SPINK2: variants seen among roughly 807,000 people sequenced by gnomAD.
The protein encoded by SPINK2 is serine protease inhibitor Kazal-type 2.
A neutral mutation model predicts 13.5 loss-of-function variants in SPINK2; 8 were observed. The observed-to-expected ratio is 0.59, with a 90% CI of 0.35 to 1.07. The LOEUF is 1.07. Ranked by LOEUF, SPINK2 falls within the 50% of genes least tolerant of loss-of-function variation. SPINK2 has a pLI of 0.02. For missense variants in SPINK2, 148 were observed against 180.3 expected (o/e 0.82, Z 1.03); for synonymous variants, 76 against 74.7 (o/e 1.02, Z -0.09).
chr4:56,816,207 G>C (rs1019305829), intron 2 of SPINK2, among the ~76,000 whole-genome samples: 2 of 152,000 alleles, frequency 1.3e-5, no homozygotes, highest in Admixed American at 6.6e-5. Flanking sequence ...TGAAAAATCT[G>C]AAAATAAAAC....
Position 56,821,540 on chromosome 4 carries a change from G to A in SPINK2, c.123C>T (p.Gly41=). 1 of 1,546,140 alleles carries A rather than the reference G, an allele frequency of 6.5e-7. No homozygotes were observed. The highest frequency in any genetic ancestry group is 1.4e-5 in the African/African-American group (1 of 72,988). ...PEKSGFGSQT[G]GGPCPAPGGL... is the part of the protein sequence containing the mutation. ...CGCCCGGAGCAGGGCAGGGTCCGCC[G>A]CCGGTCTGACTCCCAAACCCGCTTT... The change falls in exon 1 of 4, where the codon GGC becomes GGT. Residue 41 remains glycine (G), a synonymous_variant. Coordinates refer to ENST00000506738, the MANE Select transcript of SPINK2 (RefSeq NM_001271718.2).
chr4:56,821,804 A>T, upstream of SPINK2: 3 of 892,212 alleles, frequency 3.4e-6, no homozygotes, highest in South Asian at 3.9e-5. Context: ...GTGGCGAGGG[A>T]AGAGGGGCGG....
intron 3 of SPINK2, chr4:56,810,654 C>T (rs1716900928): frequency 6.4e-6 from 1 of 155,410 alleles, no homozygotes; most frequent in African/African-American, 2.4e-5. Flanking sequence ...TGAGACCAGC[C>T]TGACCAATAT....
intron 2 of SPINK2, among the ~76,000 whole-genome samples, chr4:56,817,095 A>C (rs1431317910): frequency 6.6e-6 from 1 of 151,386 alleles, no homozygotes; most frequent in Non-Finnish European, 1.5e-5. Context: ...CCAGCTACTC[A>C]GGAGGCTTAG....
chr4:56,816,001 G>A (rs139095566), intron 2 of SPINK2, among the ~76,000 whole-genome samples: 2 of 152,152 alleles, frequency 1.3e-5, no homozygotes, highest in South Asian at 2.1e-4. Flanking sequence ...TTCTCAGGAG[G>A]ATGAGGCAGA....
chr4:56,814,955 C>T (rs1331111422), intron 2 of SPINK2, among the ~76,000 whole-genome samples: 5 of 118,352 alleles, frequency 4.2e-5, no homozygotes, highest in African/African-American at 6.9e-5. Context: ...AGCAAGACTC[C>T]GTCTCAAAAA....
chr4:56,814,176 C>A (rs1418023090), intron 2 of SPINK2, among the ~76,000 whole-genome samples: 1 of 151,954 alleles, frequency 6.6e-6, no homozygotes, highest in African/African-American at 2.4e-5. Flanking sequence ...CCAGCCTCAG[C>A]CTCTCAAAGT....
chr4:56,812,046 C>G (rs1444259754), intron 2 of SPINK2, among the ~76,000 whole-genome samples: 4 of 150,154 alleles, frequency 2.7e-5, no homozygotes, highest in African/African-American at 9.8e-5. Context: ...TACAGGCGCA[C>G]GCCTCCATGC....
chr4:56,818,247 A>C lies in SPINK2; in HGVS notation c.249+2289T>G, dbSNP rs368374458. 5.9e-5 allele frequency: 9 copies of C among 152,340 alleles called. 1 individual carries two copies. Among genetic ancestry groups the C allele is most frequent in the African/African-American group, 2.2e-4 (9 of 41,584 alleles). 9.4% of individuals were successfully genotyped at this position (152,340 alleles called of 1,614,324 possible). On this transcript the variant is annotated intron_variant, in intron 2 of 3. Transcript: ENST00000506738. ...GACTGGTCAAGCGAAGCAGTGGAAT[A>C]GAAAAGGAACAGAGAAATCTGTGGT...
chr4:56,810,535 T>C (rs1716893713), intron 3 of SPINK2: 1 of 226,186 alleles, frequency 4.4e-6, no homozygotes, highest in Non-Finnish European at 8.6e-6. Flanking sequence ...AATCCCCACC[T>C]CTACTAAAAA....
At chr4:56,814,107 A>T (rs563437064) in intron 2 of SPINK2, among the ~76,000 whole-genome samples, 3 of 151,576 alleles carry the variant, frequency 2.0e-5, no homozygotes, top group Non-Finnish European at 4.4e-5. Flanking sequence ...TATTTTTAGT[A>T]GAGACCGGCT....
Position 56,810,145 on chromosome 4 carries a change from G to A in SPINK2, c.399C>T (p.Pro133=). Residue 133 remains proline, a synonymous_variant, in exon 4 of 4, where the codon CCC becomes CCT. Transcript: ENST00000506738. ...GHNIKIIRNG[P]C ...TTTTCTGTAAACTGCTCCATCAGCA[G>A]GGTCCATTTCGAATGATTTTAATAT... 1.9e-6 allele frequency: 3 copies of A among 1,609,084 alleles called. No individual in the cohort carries two copies. The highest frequency in any genetic ancestry group is 2.5e-6 in the Non-Finnish European group (3 of 1,177,502).
intron 2 of SPINK2, 79 bp downstream of exon 2, chr4:56,820,457 C>A: frequency 8.5e-7 from 1 of 1,174,344 alleles, no homozygotes; most frequent in Non-Finnish European, 1.3e-6. Context: ...GCAGGTCAGA[C>A]CTGAAAGCCA....
chr4:56,812,756 A>G (rs1717102796), intron 2 of SPINK2, among the ~76,000 whole-genome samples: 1 of 152,110 alleles, frequency 6.6e-6, no homozygotes, highest in Non-Finnish European at 1.5e-5. Flanking sequence ...CCAAGACAAA[A>G]TCAGGAATCT....
intron 1 of SPINK2, 115 bp downstream of exon 1, chr4:56,821,343 A>G (rs1396734917): frequency 1.4e-6 from 2 of 1,400,146 alleles, no homozygotes; most frequent in Non-Finnish European, 1.8e-6. Context: ...TTAACAGAGA[A>G]AGCGCTCTAG....
At chr4:56,814,960 C>CAA (rs5858398) in intron 2 of SPINK2, among the ~76,000 whole-genome samples, 98 of 102,254 alleles carry the variant, frequency 9.6e-4, no homozygotes, top group Non-Finnish European at 1.5e-3. Flanking sequence ...GACTCCGTCT[C>CAA]AAAAAAAAAA....
Position 56,821,446 on chromosome 4 carries a change from G to A in SPINK2, c.205+12C>T. On this transcript the variant is annotated intron_variant, in intron 1 of 3. Transcript: ENST00000506738. ...AAGCCACCCCCACAACCCCCAGTTC[G>A]CGTTCCTCCACCTGGCAGGTCCTCT... is the stretch of plus-strand genomic sequence containing the variant. The A allele has an allele frequency of 2.0e-6, 3 of 1,506,192 alleles. No homozygotes were observed. The highest frequency in any genetic ancestry group is 2.6e-6 in the Non-Finnish European group (3 of 1,132,866). 93.3% of individuals were successfully genotyped at this position (1,506,192 alleles called of 1,614,324 possible).
chr4:56,821,257 T>C (rs1717909409), intron 1 of SPINK2: 2 of 972,280 alleles, frequency 2.1e-6, no homozygotes, highest in Non-Finnish European at 2.4e-6. Context: ...CCACAATTCC[T>C]CATTCCTGCA....
At chr4:56,811,627 A>G in intron 3 of SPINK2, 58 bp downstream of exon 3, 2 of 1,178,912 alleles carry the variant, frequency 1.7e-6, no homozygotes, top group East Asian at 2.6e-5. Context: ...AAAAAAAAAG[A>G]AGAAAAAAAA....
Sources: gnomAD v4.1 joint callset for allele counts (sites outside exome capture counted in the v4.1 genomes callset) on GRCh38, gnomAD v4.1.1 for gene constraint, MANE v1.5 for transcripts, NCBI Gene and HGNC (gene_info 2026-07-23, HGNC 2026-07-21) for gene names.